PRSS12: variants seen among roughly 807,000 people sequenced by gnomAD.
PRSS12 encodes neurotrypsin.
A neutral mutation model predicts 104.4 loss-of-function variants in PRSS12; 85 were observed. That is an observed-to-expected ratio of 0.81 (90% confidence interval 0.68 to 0.98). PRSS12 has a LOEUF of 0.98. PRSS12 is among the 50% of genes least tolerant of loss of function. The pLI, the probability that PRSS12 is intolerant of heterozygous loss-of-function variation, is 0.00. For synonymous variants in PRSS12, 454 were observed against 425.2 expected, an observed-to-expected ratio of 1.07 and a Z score of -0.83; for missense variants, 1,141 against 1,139.2, an observed-to-expected ratio of 1.00 and a Z score of -0.02.
intron 11 of PRSS12, among the ~76,000 whole-genome samples, chr4:118,286,372 T>C (rs1447209014): frequency 6.6e-6 from 1 of 152,192 alleles, no homozygotes; most frequent in East Asian, 1.9e-4. Flanking sequence ...TTATCCAAAC[T>C]ATGTGCAATG....
At chr4:118,298,153 A>C (rs1346142505) in intron 9 of PRSS12, among the ~76,000 whole-genome samples, 1 of 151,896 alleles carries the variant, frequency 6.6e-6, no homozygotes, top group Non-Finnish European at 1.5e-5. Flanking sequence ...AAAAAAAAAA[A>C]AAAAAAATTA....
chr4:118,286,871 G>C (rs982700884), intron 11 of PRSS12, among the ~76,000 whole-genome samples: 1 of 152,060 alleles, frequency 6.6e-6, no homozygotes, highest in East Asian at 1.9e-4. Context: ...ACTCCTGCCC[G>C]TACATGCCCA....
Position 118,282,025 on chromosome 4 carries a change from C to T in PRSS12, c.2539G>A (p.Gly847Arg). ...SWVVYGVTSWGYGCGVKDSPG... is the reference protein window; with the variant it reads ...SWVVYGVTSWRYGCGVKDSPG... ...GAATCCTTGACTCCACAGCCATACC[C>T]CCAGGAGGTCACCCCATACACCACC... Residue 847 changes from glycine to arginine, a missense_variant, in exon 13 of 13, where the codon GGG becomes AGG. Physicochemically the swap from Gly to Arg is moderately radical, Grantham distance 125 (BLOSUM62 -2). Transcript: ENST00000296498. The T allele has an allele frequency of 1.1e-5, 17 of 1,612,866 alleles. No individual in the cohort carries two copies. Among genetic ancestry groups the T allele is most frequent in the Non-Finnish European group, 1.4e-5 (17 of 1,178,900 alleles).
intron 8 of PRSS12, among the ~76,000 whole-genome samples, chr4:118,305,130 C>A (rs980213456): frequency 6.7e-6 from 1 of 149,762 alleles, no homozygotes; most frequent in Non-Finnish European, 1.5e-5. Context: ...TACACACACA[C>A]ACACACATAT....
intron 7 of PRSS12, among the ~76,000 whole-genome samples, chr4:118,310,432 G>A (rs982014391): frequency 2.0e-5 from 3 of 152,104 alleles, no homozygotes; most frequent in Non-Finnish European, 2.9e-5. Flanking sequence ...CCTAATTTTA[G>A]CCATTCATTC....
At chr4:118,342,267 A>C (rs1724234065) in intron 1 of PRSS12, among the ~76,000 whole-genome samples, 1 of 152,230 alleles carries the variant, frequency 6.6e-6, no homozygotes, top group African/African-American at 2.4e-5. Flanking sequence ...CCTAACAATA[A>C]AGTGATTTGC....
chr4:118,344,408 T>C lies in PRSS12; in HGVS notation c.503-6094A>G, dbSNP rs537180549. On this transcript the variant is annotated intron_variant, in intron 1 of 12. Coordinates refer to ENST00000296498, the MANE Select transcript of PRSS12 (RefSeq NM_003619.4). Reference sequence around the variant, plus strand: ...TTTTTATGTTATTTTCTTTCTTCACTATATTCTACAGTACTAAGTTATACT... The same window carrying C: ...TTTTTATGTTATTTTCTTTCTTCACCATATTCTACAGTACTAAGTTATACT... Among the ~76,000 whole-genome samples the C allele has an allele frequency of 3.3e-5, 5 of 149,938 alleles. No individual in the cohort carries two copies. The East Asian group carries it at 9.7e-4, about 29-fold the overall frequency.
In PRSS12 at chr4:118,298,907, A is replaced by C; in HGVS notation, c.1663T>G (p.Phe555Val). The C allele has an allele frequency of 2.5e-6, 4 of 1,614,180 alleles. No homozygotes were observed. Among genetic ancestry groups the C allele is most frequent in the Non-Finnish European group, 3.4e-6 (4 of 1,180,036 alleles). ...TGGATGGGTCCTTTTCCTTCTCCAA[A>C]GTAAGCCATGGTTCTTGCTCTGGCA... ...GPARARTMAYFGEGKGPIHVD... is the reference protein window; with the variant it reads ...GPARARTMAYVGEGKGPIHVD... The change falls in exon 9 of 13, where the codon TTT becomes GTT. Residue 555 changes from phenylalanine to valine, a missense_variant. Physicochemically the swap from Phe to Val is conservative, Grantham distance 50 (BLOSUM62 -1). Coordinates refer to ENST00000296498, the MANE Select transcript of PRSS12 (RefSeq NM_003619.4).
chr4:118,333,398 G>A (rs788658), intron 3 of PRSS12, among the ~76,000 whole-genome samples: 124,508 of 152,184 alleles, frequency 0.82, 53,772 homozygotes, highest in Non-Finnish European at 0.95. Flanking sequence ...TTTTGTACAC[G>A]TGCTGCCAAA....
At chr4:118,312,856 AT>A (rs1186924536) in intron 7 of PRSS12, 1 of 316,714 alleles carries the variant, frequency 3.2e-6, no homozygotes, top group Non-Finnish European at 6.0e-6. Flanking sequence ...GCTCACTAGA[AT>A]TCAAGGTAAA....
chr4:118,305,601 T>C (rs1387860296), intron 8 of PRSS12, among the ~76,000 whole-genome samples: 2 of 152,158 alleles, frequency 1.3e-5, no homozygotes, highest in Non-Finnish European at 2.9e-5. Context: ...TGTTCTTTTC[T>C]GAGGTTTGTT....
At chr4:118,346,550 C>A (rs2126045847) in intron 1 of PRSS12, among the ~76,000 whole-genome samples, 1 of 151,916 alleles carries the variant, frequency 6.6e-6, no homozygotes, top group South Asian at 2.1e-4. Flanking sequence ...TACCTTATTA[C>A]TGGATATTTC....
chr4:118,305,706 AC>A (rs1743530793), intron 8 of PRSS12, among the ~76,000 whole-genome samples: 1 of 152,168 alleles, frequency 6.6e-6, no homozygotes, highest in Non-Finnish European at 1.5e-5. Flanking sequence ...AGTATATAGT[AC>A]CATATTGTTA....
At chr4:118,326,889 C>T (rs1723788257) in intron 4 of PRSS12, among the ~76,000 whole-genome samples, 1 of 152,094 alleles carries the variant, frequency 6.6e-6, no homozygotes, top group Non-Finnish European at 1.5e-5. Flanking sequence ...CCAGGGGTGT[C>T]CAATCTTTTG....
Position 118,322,549 on chromosome 4 carries a change from T to TA in PRSS12, c.972-3994dup, listed in dbSNP as rs11345468. 7.7e-3 allele frequency among the ~76,000 whole-genome samples: 1,093 copies of TA among 142,854 alleles called. 12 individuals are homozygous for TA. The highest frequency in any genetic ancestry group is 0.024 in the African/African-American group (919 of 38,798). 93.7% of individuals were successfully genotyped at this position (142,854 alleles called of 152,430 possible). A position where few individuals can be genotyped will look rare whatever the true frequency, so the allele number is the denominator to read the frequency against. Reference sequence around the variant, plus strand: ...TGGGTGACACAGCGAGACTCCATCTTAAAAAAAAAAAAAAAATTACAATAA... The same window carrying TA: ...TGGGTGACACAGCGAGACTCCATCTTAAAAAAAAAAAAAAAAATTACAATAA... On this transcript the variant is annotated intron_variant, in intron 4 of 12. Coordinates refer to ENST00000296498, the MANE Select transcript of PRSS12 (RefSeq NM_003619.4).
chr4:118,299,561 T>A (rs1400978521), intron 8 of PRSS12, among the ~76,000 whole-genome samples: 1 of 151,614 alleles, frequency 6.6e-6, no homozygotes, highest in African/African-American at 2.4e-5. Flanking sequence ...GTGCTTGTAA[T>A]CCCAGCTACT....
intron 5 of PRSS12, among the ~76,000 whole-genome samples, chr4:118,316,837 A>AAAAAAAATATATATATAT (rs35698159): frequency 1.6e-4 from 16 of 99,176 alleles, no homozygotes; most frequent in African/African-American, 4.2e-4. Flanking sequence ...AAAAAAAAAA[A>AAAAAAAATATATATATAT]ATATATATAT....
chr4:118,318,470 T>C lies in PRSS12; in HGVS notation c.1058A>G (p.Glu353Gly), dbSNP rs1723513904. 1.9e-6 allele frequency: 3 copies of C among 1,614,026 alleles called. No individual in the cohort carries two copies. In the African/African-American group the frequency reaches 4.0e-5, roughly 22 times the overall value. ...CTTTGGACACTGCTCAATTGAAAGC[T>C]CATTCCCAGTGCAGCGTACTTCATC... ...MLDEVRCTGNELSIEQCPKSS... is the reference protein window; with the variant it reads ...MLDEVRCTGNGLSIEQCPKSS... Residue 353 changes from glutamate (E) to glycine (G), a missense_variant, in exon 5 of 13, where the codon GAG becomes GGG. Physicochemically the swap from Glu to Gly is moderately conservative, Grantham distance 98 (BLOSUM62 -2). Coordinates refer to ENST00000296498, the MANE Select transcript of PRSS12 (RefSeq NM_003619.4).
At chr4:118,301,225 C>T (rs752745070) in intron 8 of PRSS12, among the ~76,000 whole-genome samples, 4 of 152,080 alleles carry the variant, frequency 2.6e-5, no homozygotes, top group Non-Finnish European at 5.9e-5. Context: ...TCTTATTTAT[C>T]ATGCTATATG....
Sources: gnomAD v4.1 joint callset for allele counts (sites outside exome capture counted in the v4.1 genomes callset) on GRCh38, gnomAD v4.1.1 for gene constraint, MANE v1.5 for transcripts, NCBI Gene and HGNC (gene_info 2026-07-23, HGNC 2026-07-21) for gene names.